SMCO2: variants seen among roughly 807,000 people sequenced by gnomAD.
SMCO2 encodes single-pass membrane protein with coiled-coil domains 2, also known as single-pass membrane and coiled-coil domain-containing protein 2.
A neutral mutation model predicts 29.5 loss-of-function variants in SMCO2; 25 were observed. That is an observed-to-expected ratio of 0.85 (90% CI 0.62 to 1.18). SMCO2 has a LOEUF of 1.18. SMCO2 is among the 50% of genes most tolerant of loss of function. The pLI is 0.00. For missense variants in SMCO2, 348 were observed against 344.5 expected (o/e 1.01, Z -0.08); for synonymous variants, 117 against 123.3 (o/e 0.95, Z 0.34).
chr12:27,485,335 C>G (rs1193067209), intron 4 of SMCO2, among the ~76,000 whole-genome samples: 2 of 151,848 alleles, frequency 1.3e-5, no homozygotes, highest in South Asian at 2.1e-4. Flanking sequence ...TAAATGTACT[C>G]ATGTTTTTCT....
chr12:27,445,348 C>T, the SMCO2 span, among the ~76,000 whole-genome samples: 1 of 152,036 alleles, frequency 6.6e-6, no homozygotes, highest in Admixed American at 6.6e-5. Context: ...TTCAGATAAA[C>T]CATGAATTTT....
the SMCO2 span, among the ~76,000 whole-genome samples, chr12:27,459,311 TTGGA>T: frequency 1.3e-5 from 2 of 152,026 alleles, no homozygotes. Flanking sequence ...TTGCAGCAAC[TTGGA>T]TGGAGCTGAA....
intron 1 of SMCO2, among the ~76,000 whole-genome samples, chr12:27,468,910 G>C (rs1479170903): frequency 1.3e-5 from 2 of 152,156 alleles, no homozygotes. Context: ...ATCTGTTAGG[G>C]ACTGCACAGA....
At chr12:27,457,572 A>T in the SMCO2 span, among the ~76,000 whole-genome samples, 3 of 152,228 alleles carry the variant, frequency 2.0e-5, no homozygotes, top group Non-Finnish European at 4.4e-5. Flanking sequence ...CCTGAGAAGC[A>T]TTCTGAGCAG....
chr12:27,475,701 A>AAAT, intron 4 of SMCO2: 1 of 1,549,342 alleles, frequency 6.5e-7, no homozygotes, highest in Non-Finnish European at 8.7e-7. Flanking sequence ...ATTATTAAAA[A>AAAT]AATAAATGTA....
the SMCO2 span, among the ~76,000 whole-genome samples, chr12:27,440,460 C>CT: frequency 6.6e-6 from 1 of 152,190 alleles, no homozygotes; most frequent in Non-Finnish European, 1.5e-5. Flanking sequence ...CCGGAATACT[C>CT]TATGACTGTA....
chr12:27,495,809 C>T (rs1417020977), exon 7 of SMCO2: 9 of 1,533,496 alleles, frequency 5.9e-6, no homozygotes, highest in Non-Finnish European at 7.9e-6. Flanking sequence ...TCCTCAGGCC[C>T]CAGCATCCTT....
the SMCO2 span, chr12:27,446,523 G>A: frequency 6.6e-6 from 1 of 152,290 alleles, no homozygotes; most frequent in Non-Finnish European, 1.5e-5. Flanking sequence ...ATCAATCCCT[G>A]ACAAAACGTC....
At chr12:27,442,458 G>A in the SMCO2 span, among the ~76,000 whole-genome samples, 9 of 152,064 alleles carry the variant, frequency 5.9e-5, no homozygotes, top group African/African-American at 1.9e-4. Context: ...AGAAGAAACA[G>A]ACAAACTCCA....
the SMCO2 span, among the ~76,000 whole-genome samples, chr12:27,435,203 C>T: frequency 7.4e-6 from 1 of 136,024 alleles, no homozygotes; most frequent in Non-Finnish European, 1.5e-5. Context: ...CTGTATAATT[C>T]TTTGCTGTGG....
chr12:27,464,716 C>CAA (rs767874837), upstream of SMCO2, among the ~76,000 whole-genome samples: 395 of 45,962 alleles, frequency 8.6e-3, 4 homozygotes, highest in South Asian at 0.013. Context: ...GACCCTGTCT[C>CAA]AAAAAAAAAA....
At chr12:27,453,694 G>A in the SMCO2 span, among the ~76,000 whole-genome samples, 1 of 152,144 alleles carries the variant, frequency 6.6e-6, no homozygotes, top group Non-Finnish European at 1.5e-5. Flanking sequence ...CAGCCTTCTT[G>A]GCTTACCCTT....
chr12:27,486,757 C>T (rs568300649), intron 4 of SMCO2, among the ~76,000 whole-genome samples: 12 of 152,276 alleles, frequency 7.9e-5, no homozygotes, highest in East Asian at 5.8e-4. Flanking sequence ...TCTGAATTAA[C>T]GTTATAAAAT....
chr12:27,459,234 A>G, the SMCO2 span, among the ~76,000 whole-genome samples: 2 of 152,144 alleles, frequency 1.3e-5, no homozygotes, highest in Non-Finnish European at 2.9e-5. Flanking sequence ...TAGACTGGAT[A>G]AAGAAAATGT....
chr12:27,467,211 GA>G (rs1949505000), intron 1 of SMCO2, among the ~76,000 whole-genome samples: 1 of 152,146 alleles, frequency 6.6e-6, no homozygotes, highest in Non-Finnish European at 1.5e-5. Context: ...CCTTGTAACT[GA>G]AACTGATGCT....
chr12:27,498,384 A>G (rs1452085722), intron 7 of SMCO2: 1 of 221,340 alleles, frequency 4.5e-6, no homozygotes, highest in Admixed American at 4.5e-5. Flanking sequence ...ATTTTAGATG[A>G]CTTACTTCTG....
intron 6 of SMCO2, among the ~76,000 whole-genome samples, chr12:27,495,082 C>T (rs554323975): frequency 1.3e-5 from 2 of 152,220 alleles, no homozygotes; most frequent in Admixed American, 1.3e-4. Flanking sequence ...TGTGATTGGG[C>T]AAATGAGACA....
chr12:27,440,956 C>G, the SMCO2 span, among the ~76,000 whole-genome samples: 1 of 152,066 alleles, frequency 6.6e-6, no homozygotes, highest in Admixed American at 6.6e-5. Flanking sequence ...TCTCAATTCT[C>G]TAATTAAAAG....
chr12:27,438,191 G>A, the SMCO2 span, among the ~76,000 whole-genome samples: 1 of 152,222 alleles, frequency 6.6e-6, no homozygotes, highest in East Asian at 1.9e-4. Flanking sequence ...TCCTCCCTCA[G>A]CTTCTGTGAT....
Sources: allele counts gnomAD v4.1 joint callset (sites outside exome capture counted in the v4.1 genomes callset), GRCh38; gene constraint gnomAD v4.1.1; transcripts MANE v1.5; gene names NCBI Gene and HGNC (gene_info 2026-07-23, HGNC 2026-07-21).